The following PMS2 variants were observed in gnomAD, a reference collection of about 807,000 sequenced individuals.
The protein encoded by PMS2 is mismatch repair endonuclease PMS2.
PMS2 carries 69 observed loss-of-function variants against 90.0 expected under a neutral mutation model. That is an observed-to-expected ratio of 0.77 (90% CI 0.63 to 0.94). PMS2 has a LOEUF of 0.94. PMS2 is among the 40% of genes least tolerant of loss of function. PMS2 has a pLI of 0.00. For missense variants in PMS2, 966 were observed against 1,040.2 expected (o/e 0.93, Z 0.98); for synonymous variants, 332 against 375.1 (o/e 0.89, Z 1.33).
chr7:6,006,614 T>A (rs182080887), intron 1 of PMS2, among the ~76,000 whole-genome samples: 1 of 151,886 alleles, frequency 6.6e-6, no homozygotes, highest in East Asian at 1.9e-4. Context: ...GATTGCGGCA[T>A]TGCACTCCAG....
intron 8 of PMS2, among the ~76,000 whole-genome samples, chr7:5,994,953 G>A (rs758509373): frequency 1.1e-4 from 16 of 151,864 alleles, no homozygotes; most frequent in Non-Finnish European, 1.8e-4. Flanking sequence ...ATACTATACC[G>A]AAAAACAATG....
chr7:6,004,544 T>C (rs766104867), intron 2 of PMS2, among the ~76,000 whole-genome samples: 3 of 152,046 alleles, frequency 2.0e-5, no homozygotes, highest in African/African-American at 4.8e-5. Context: ...GGAGAAACCC[T>C]GTCTCTACTA....
At chr7:6,004,538 A>C (rs1467805911) in intron 2 of PMS2, among the ~76,000 whole-genome samples, 1 of 152,100 alleles carries the variant, frequency 6.6e-6, no homozygotes, top group African/African-American at 2.4e-5. Context: ...CAACATGGAG[A>C]AACCCTGTCT....
In PMS2 at chr7:6,008,978, G is replaced by A. The variant is rs756178012; in HGVS notation, c.23+19C>T. The A allele has an allele frequency of 1.1e-5, 18 of 1,612,432 alleles. No individual in the cohort carries two copies. The Admixed American group carries it at 1.3e-4, about 12-fold the overall frequency. On this transcript the variant is annotated intron_variant, in intron 1 of 14. Transcript: ENST00000265849. The stretch of plus-strand genomic sequence containing the variant: ...GGGCGCGCGAGAGGGGACACCGGAA[G>A]ACTGCGAGCCCCGCTCACCTCGAGC...
chr7:5,994,111 G>A (rs931565437), intron 8 of PMS2, among the ~76,000 whole-genome samples: 1 of 151,996 alleles, frequency 6.6e-6, no homozygotes. Context: ...GGCCAGGCGC[G>A]GTGGTTCACG....
intron 10 of PMS2, among the ~76,000 whole-genome samples, 196 bp downstream of exon 10, chr7:5,989,604 C>T (rs1259738236): frequency 6.6e-6 from 1 of 151,568 alleles, no homozygotes; most frequent in Admixed American, 6.6e-5. Flanking sequence ...GAGTGTGATG[C>T]TGCAGTGAGC....
intron 6 of PMS2, among the ~76,000 whole-genome samples, chr7:5,998,800 G>A (rs1375409300): frequency 6.6e-6 from 1 of 151,894 alleles, no homozygotes; most frequent in Admixed American, 6.6e-5. Flanking sequence ...GACCAGCCTG[G>A]CCAACACGGT....
chr7:5,999,057 G>A (rs576436089), intron 6 of PMS2, 51 bp downstream of exon 6: 22 of 1,539,642 alleles, frequency 1.4e-5, no homozygotes, highest in South Asian at 1.1e-4. Flanking sequence ...ATGGAAACCC[G>A]CTATAATCAC....
chr7:6,002,221 G>C (rs1785162132), intron 5 of PMS2: 2 of 443,766 alleles, frequency 4.5e-6, no homozygotes, highest in Middle Eastern at 6.5e-4. Context: ...TTTTCATAGA[G>C]ACAGGGTCTC....
In PMS2 at chr7:5,987,419, T is replaced by C. The variant is rs2128732821; in HGVS notation, c.1346A>G (p.Gln449Arg). Residue 449 changes from glutamine to arginine, a missense_variant, in exon 11 of 15, where the codon CAG becomes CGG. Gln to Arg is a conservative substitution (Grantham distance 43, BLOSUM62 1). This residue lies in a region of PMS2 where 871 missense variants were observed against 802.4 expected (regional missense o/e 1.09). Coordinates refer to ENST00000265849, the MANE Select transcript of PMS2 (RefSeq NM_000535.7). ...TPEPRRSPLGQKRGMLSSSTS... is the reference protein window; with the variant it reads ...TPEPRRSPLGRKRGMLSSSTS... The stretch of plus-strand genomic sequence containing the variant: ...GCTAGAAGACAGCATACCCCTTTTC[T>C]GTCCTAGAGGGCTCCTTCTTGGTTC... The C allele has an allele frequency of 6.2e-7, 1 of 1,614,198 alleles. No individual in the cohort carries two copies.
chr7:5,988,200 G>A (rs1783284144), intron 10 of PMS2, among the ~76,000 whole-genome samples: 1 of 151,952 alleles, frequency 6.6e-6, no homozygotes, highest in South Asian at 2.1e-4. Context: ...AATGAACCTG[G>A]TACAGCTGCT....
At chr7:5,997,911 A>C (rs1470609360) in intron 6 of PMS2, among the ~76,000 whole-genome samples, 1 of 151,968 alleles carries the variant, frequency 6.6e-6, no homozygotes, top group East Asian at 1.9e-4. Flanking sequence ...TTTATGATAT[A>C]AGAAAGATGA....
chr7:5,985,264 AT>A (rs142453627), intron 11 of PMS2, among the ~76,000 whole-genome samples: 378 of 116,788 alleles, frequency 3.2e-3, no homozygotes, highest in South Asian at 1.0e-2. Context: ...TACTTAGCTA[AT>A]TTTTTTTTTT....
At chr7:5,995,317 A>G (rs1332836673) in intron 8 of PMS2, among the ~76,000 whole-genome samples, 2 of 152,174 alleles carry the variant, frequency 1.3e-5, no homozygotes, top group Non-Finnish European at 2.9e-5. Flanking sequence ...GATTACAGGC[A>G]TGAGCCACTG....
At chr7:5,982,626 C>T (rs1281548446) in intron 12 of PMS2, among the ~76,000 whole-genome samples, 198 bp downstream of exon 12, 7 of 152,168 alleles carry the variant, frequency 4.6e-5, no homozygotes, top group Admixed American at 3.3e-4. Context: ...TGTGAGGCAC[C>T]GCGCCTGGCC....
intron 10 of PMS2, among the ~76,000 whole-genome samples, chr7:5,988,499 G>T (rs1035000285): frequency 1.3e-4 from 20 of 152,228 alleles, no homozygotes; most frequent in Non-Finnish European, 2.2e-4. Context: ...GGAAGGCAGG[G>T]TTGCAGCGAG....
intron 9 of PMS2, among the ~76,000 whole-genome samples, chr7:5,991,089 A>G (rs1303313710): frequency 6.6e-6 from 1 of 152,200 alleles, no homozygotes; most frequent in African/African-American, 2.4e-5. Flanking sequence ...CAAAAACTAA[A>G]AACAATTTAA....
At chr7:5,997,216 G>GAAA (rs879309592) in intron 7 of PMS2, 110 bp downstream of exon 7, 98 of 569,082 alleles carry the variant, frequency 1.7e-4, no homozygotes, top group Admixed American at 2.8e-4. Flanking sequence ...TCCGTCTCAA[G>GAAA]AAAAAAAAAA....
intron 9 of PMS2, 143 bp downstream of exon 9, chr7:5,991,830 C>G: frequency 3.2e-6 from 2 of 620,624 alleles, no homozygotes; most frequent in Non-Finnish European, 5.9e-6. Context: ...CAGAGCAAGA[C>G]CCCGTCTCAA....
Sources: allele counts gnomAD v4.1 joint callset (sites outside exome capture counted in the v4.1 genomes callset), GRCh38; gene constraint gnomAD v4.1.1; regional missense constraint gnomAD v4.1.1; transcripts MANE v1.5; gene names NCBI Gene and HGNC (gene_info 2026-07-23, HGNC 2026-07-21).